ZRANB3: variants seen among roughly 807,000 people sequenced by gnomAD.
ZRANB3 encodes the protein DNA annealing helicase and endonuclease ZRANB3.
In ZRANB3, 125 loss-of-function variants were observed where a neutral mutation model predicts 133.8. That is an observed-to-expected ratio of 0.93 (90% CI 0.81 to 1.08). ZRANB3 has a LOEUF of 1.08. Ranked by LOEUF, ZRANB3 falls within the 50% of genes least tolerant of loss-of-function variation. The probability of loss-of-function intolerance (pLI) is 0.00; values close to 1 mark genes in which losing one functional copy is unlikely to be tolerated. For missense variants in ZRANB3, 1,229 were observed against 1,275.5 expected, an observed-to-expected ratio of 0.96 and a Z score of 0.56; for synonymous variants, 387 against 432.7, an observed-to-expected ratio of 0.89 and a Z score of 1.31.
intron 2 of ZRANB3, among the ~76,000 whole-genome samples, chr2:135,474,683 A>T (rs911334576): frequency 9.9e-5 from 15 of 152,150 alleles, no homozygotes; most frequent in South Asian, 2.1e-4. Flanking sequence ...AAATAAACTT[A>T]TTTTCTTTAT....
Position 135,349,300 on chromosome 2 carries a change from G to A in ZRANB3, c.591+684C>T, listed in dbSNP as rs892262213. 1.2e-4 allele frequency among the ~76,000 whole-genome samples: 19 copies of A among 152,130 alleles called. 1 individual carries two copies. Among genetic ancestry groups the A allele is most frequent in the African/African-American group, 3.9e-4 (16 of 41,412 alleles). On this transcript the variant is annotated intron_variant, in intron 5 of 20. Coordinates refer to ENST00000264159, the MANE Select transcript of ZRANB3 (RefSeq NM_032143.4). Reference sequence around the variant, plus strand: ...AGCAGTATTACCTTTAATTCTCCCAGCAACCCTACATGACAGCCCATGTTT... The same window carrying A: ...AGCAGTATTACCTTTAATTCTCCCAACAACCCTACATGACAGCCCATGTTT...
chr2:135,458,365 A>T (rs1690617700), intron 2 of ZRANB3, among the ~76,000 whole-genome samples: 1 of 152,014 alleles, frequency 6.6e-6, no homozygotes, highest in Non-Finnish European at 1.5e-5. Context: ...TTTGCATTTC[A>T]TATGAATTTT....
At position 135,224,521 on chromosome 2, in the gene ZRANB3, T is replaced by C. The variant is rs949219820; in HGVS notation, c.2159-4A>G. ...GTGTCTGAACTCTTCCACTGTTCTA[T>C]TAAAGAAGACAAAAGAGAACCTGAA... On this transcript the variant is annotated splice_region_variant and splice_polypyrimidine_tract_variant and intron_variant, in intron 14 of 20. Coordinates refer to ENST00000264159, the MANE Select transcript of ZRANB3 (RefSeq NM_032143.4). 1 of 1,609,256 alleles carries C rather than the reference T, an allele frequency of 6.2e-7. No homozygotes were observed. Among genetic ancestry groups the C allele is most frequent in the African/African-American group, 1.3e-5 (1 of 74,934 alleles).
intron 1 of ZRANB3, among the ~76,000 whole-genome samples, chr2:135,506,770 A>G (rs1237811204): frequency 3.9e-5 from 6 of 152,218 alleles, no homozygotes; most frequent in African/African-American, 1.4e-4. Flanking sequence ...ACATTTCAAA[A>G]AACACCTGAA....
intron 12 of ZRANB3, among the ~76,000 whole-genome samples, chr2:135,232,779 C>CA (rs1474986057): frequency 1.3e-5 from 2 of 152,266 alleles, no homozygotes; most frequent in Non-Finnish European, 2.9e-5. Flanking sequence ...ACATCCACAC[C>CA]AAAACCCCAT....
At chr2:135,434,146 A>G (rs1689433144) in intron 2 of ZRANB3, among the ~76,000 whole-genome samples, 1 of 152,190 alleles carries the variant, frequency 6.6e-6, no homozygotes, top group Admixed American at 6.5e-5. Flanking sequence ...TGGGCAACAG[A>G]GCGAGAGACT....
chr2:135,245,926 C>CAAAAAAAAAAAAAAAAAAAAAAAAAA lies in ZRANB3; in HGVS notation c.1540-15000_1540-14999insTTTTTTTTTTTTTTTTTTTTTTTTTT, dbSNP rs1177438717. 2.6e-3 allele frequency among the ~76,000 whole-genome samples: 50 copies of CAAAAAAAAAAAAAAAAAAAAAAAAAA among 19,550 alleles called. 6 individuals carry two copies. The highest frequency in any genetic ancestry group is 4.8e-3 in the Admixed American group (5 of 1,038). The allele number at this position is 19,550 out of a possible 152,430, so 12.8% of individuals were successfully genotyped here. On this transcript the variant is annotated intron_variant, in intron 12 of 20. Transcript: ENST00000264159. ...GGGCAACGAGATTGAAACTCCGTCT[C>CAAAAAAAAAAAAAAAAAAAAAAAAAA]AAAAAAAAAAAAAAAAAAAAAAGAG...
chr2:135,464,917 G>C (rs1690915282), intron 2 of ZRANB3, among the ~76,000 whole-genome samples: 2 of 152,202 alleles, frequency 1.3e-5, no homozygotes, highest in South Asian at 4.1e-4. Flanking sequence ...ATGCCATATA[G>C]TTAGAAGCTT....
At chr2:135,292,404 G>A (rs546061950) in intron 8 of ZRANB3, among the ~76,000 whole-genome samples, 21 of 152,290 alleles carry the variant, frequency 1.4e-4, no homozygotes, top group African/African-American at 3.6e-4. Flanking sequence ...CTTTTGAGAA[G>A]TGTCTGTTCA....
intron 2 of ZRANB3, among the ~76,000 whole-genome samples, chr2:135,432,172 C>T (rs1257621194): frequency 6.6e-6 from 1 of 152,094 alleles, no homozygotes; most frequent in East Asian, 1.9e-4. Context: ...ATCGCTTGAA[C>T]CCAGGAGGCG....
chr2:135,489,819 C>T (rs1574191308), intron 2 of ZRANB3, among the ~76,000 whole-genome samples: 1 of 151,494 alleles, frequency 6.6e-6, no homozygotes, highest in Non-Finnish European at 1.5e-5. Flanking sequence ...GAGAAAAAAA[C>T]AAGTGATATA....
intron 8 of ZRANB3, among the ~76,000 whole-genome samples, chr2:135,292,222 A>T (rs1681781982): frequency 1.3e-5 from 2 of 152,158 alleles, no homozygotes; most frequent in African/African-American, 4.8e-5. Flanking sequence ...ACAGTGTAAA[A>T]GTGTTCCTAT....
rs1294458392 is a variant in ZRANB3 at position 135,415,172 on chromosome 2, G to GT, written c.162-24353dup. On this transcript the variant is annotated intron_variant, in intron 2 of 20. Transcript: ENST00000264159. ...AAAAAATTAATGAATCCAGGAGCTG[G>GT]TTTTTTGAACGGATCAACAAAATTG... is the stretch of plus-strand genomic sequence containing the variant. 2.0e-5 allele frequency among the ~76,000 whole-genome samples: 3 copies of GT among 148,846 alleles called. No homozygotes were observed. The East Asian group carries it at 6.0e-4, about 30-fold the overall frequency.
chr2:135,394,903 A>AC (rs1289593989), intron 2 of ZRANB3, among the ~76,000 whole-genome samples: 1 of 148,958 alleles, frequency 6.7e-6, no homozygotes, highest in African/African-American at 2.5e-5. Context: ...GATTGCTTGA[A>AC]CGCAGGACTT....
intron 12 of ZRANB3, among the ~76,000 whole-genome samples, chr2:135,255,340 A>G (rs1018282049): frequency 2.0e-5 from 3 of 152,156 alleles, no homozygotes; most frequent in African/African-American, 7.2e-5. Context: ...GTCAACCTGA[A>G]CCAGCATGAT....
intron 3 of ZRANB3, among the ~76,000 whole-genome samples, chr2:135,384,323 A>C (rs1574012264): frequency 6.6e-6 from 1 of 152,344 alleles, no homozygotes; most frequent in East Asian, 1.9e-4. Context: ...ATAGACCAAT[A>C]ACAGGCTCTG....
Position 135,296,994 on chromosome 2 carries a change from G to GCTGC in ZRANB3, c.966+16491_966+16494dup, listed in dbSNP as rs555370458. 3.6e-3 allele frequency among the ~76,000 whole-genome samples: 551 copies of GCTGC among 152,320 alleles called. 2 individuals carry two copies. The highest frequency in any genetic ancestry group is 9.4e-3 in the Admixed American group (144 of 15,296). ...AGGTGTCAGTCCGCCCCTACTGGGGGCTGCCTCCCAGTTAGGCTACTCGGG... is the reference window on the plus strand; with the variant it reads ...AGGTGTCAGTCCGCCCCTACTGGGGGCTGCCTGCCTCCCAGTTAGGCTACTCGGG... On this transcript the variant is annotated intron_variant, in intron 8 of 20. Coordinates refer to ENST00000264159, the MANE Select transcript of ZRANB3 (RefSeq NM_032143.4).
intron 3 of ZRANB3, among the ~76,000 whole-genome samples, chr2:135,376,867 A>C (rs968618944): frequency 1.3e-5 from 2 of 152,360 alleles, no homozygotes; most frequent in Admixed American, 1.3e-4. Context: ...GGGCAAAGAT[A>C]CCAGGATGGA....
chr2:135,465,954 A>T (rs1690971109), intron 2 of ZRANB3, among the ~76,000 whole-genome samples: 1 of 152,248 alleles, frequency 6.6e-6, no homozygotes, highest in Admixed American at 6.5e-5. Context: ...ATAACAAAAT[A>T]AATTTGATGG....
Sources: gnomAD v4.1 joint callset for allele counts (sites outside exome capture counted in the v4.1 genomes callset) on GRCh38, gnomAD v4.1.1 for gene constraint, MANE v1.5 for transcripts, NCBI Gene and HGNC (gene_info 2026-07-23, HGNC 2026-07-21) for gene names.